The following TMEM196 variants were observed in gnomAD, a reference collection of about 807,000 sequenced individuals.
The protein encoded by TMEM196 is transmembrane protein 196.
A neutral mutation model predicts 20.0 loss-of-function variants in TMEM196; 17 were observed. The ratio of observed to expected loss-of-function variants is 0.85; its 90% CI spans 0.58 to 1.27. The LOEUF (loss-of-function observed/expected upper bound fraction) is 1.27. Ranked by LOEUF, TMEM196 falls within the 50% of genes most tolerant of loss-of-function variation. TMEM196 has a pLI of 0.00. For missense variants in TMEM196, 267 were observed against 223.0 expected (o/e 1.20, Z -1.26); for synonymous variants, 113 against 88.9 (o/e 1.27, Z -1.52).
At chr7:19,766,588 T>C (rs1259519769) in intron 1 of TMEM196, among the ~76,000 whole-genome samples, 1 of 151,326 alleles carries the variant, frequency 6.6e-6, no homozygotes, top group East Asian at 1.9e-4. Flanking sequence ...TACACATATA[T>C]ATATAACTTT....
intron 1 of TMEM196, among the ~76,000 whole-genome samples, chr7:19,742,277 G>T (rs184684794): frequency 6.6e-6 from 1 of 152,156 alleles, no homozygotes; most frequent in Non-Finnish European, 1.5e-5. Flanking sequence ...AATTCCTAAA[G>T]GAGAGAGGCA....
In TMEM196 at chr7:19,750,587, G is replaced by A. The variant is rs77681527; in HGVS notation, c.148-21149C>T. ...TACTTTTAAGCAGTGGTCCTCTGGT[G>A]CTTTACCGAGACCAGGCCATTTTCT... On this transcript the variant is annotated intron_variant, in intron 1 of 4. Transcript: ENST00000405844. 8.1e-3 allele frequency among the ~76,000 whole-genome samples: 1,226 copies of A among 152,224 alleles called. 10 individuals are homozygous for A. The highest frequency in any genetic ancestry group is 0.028 in the African/African-American group (1,154 of 41,538).
At chr7:19,732,445 C>G (rs1034439411) in intron 1 of TMEM196, among the ~76,000 whole-genome samples, 1 of 151,998 alleles carries the variant, frequency 6.6e-6, no homozygotes, top group East Asian at 1.9e-4. Context: ...TGGTTGCAGT[C>G]ACCTGTAGTC....
intron 1 of TMEM196, among the ~76,000 whole-genome samples, chr7:19,756,591 G>A (rs1175976462): frequency 6.6e-6 from 1 of 151,836 alleles, no homozygotes; most frequent in Non-Finnish European, 1.5e-5. Context: ...TTATCATTTA[G>A]CTCTCTTATA....
intron 1 of TMEM196, among the ~76,000 whole-genome samples, chr7:19,736,611 C>G (rs1281975210): frequency 6.6e-6 from 1 of 151,554 alleles, no homozygotes; most frequent in Non-Finnish European, 1.5e-5. Flanking sequence ...ATCCATTTCC[C>G]TGGGAATCAC....
At chr7:19,761,281 A>G (rs1259310946) in intron 1 of TMEM196, among the ~76,000 whole-genome samples, 1 of 152,202 alleles carries the variant, frequency 6.6e-6, no homozygotes, top group African/African-American at 2.4e-5. Flanking sequence ...CCTGCTAATT[A>G]TGCAATGTTC....
intron 3 of TMEM196, 35 bp from the exon 4 acceptor site, chr7:19,724,388 G>T: frequency 2.0e-6 from 3 of 1,531,562 alleles, no homozygotes; most frequent in Non-Finnish European, 2.7e-6. Context: ...AATAAATATT[G>T]CACAAATATA....
intron 1 of TMEM196, among the ~76,000 whole-genome samples, chr7:19,766,722 TGCA>T (rs1785644800): frequency 1.3e-5 from 2 of 151,062 alleles, no homozygotes; most frequent in South Asian, 4.2e-4. Context: ...TGTATGCAAG[TGCA>T]TACACACACA....
intron 1 of TMEM196, among the ~76,000 whole-genome samples, chr7:19,729,852 A>C (rs1335851555): frequency 6.6e-6 from 1 of 152,230 alleles, no homozygotes; most frequent in Non-Finnish European, 1.5e-5. Context: ...AAGATAATGC[A>C]TCAGACAAGG....
chr7:19,723,011 T>C (rs1175297026), intron 4 of TMEM196, among the ~76,000 whole-genome samples: 1 of 152,142 alleles, frequency 6.6e-6, no homozygotes, highest in African/African-American at 2.4e-5. Context: ...ACAAGCCTAT[T>C]TGCAACAGAG....
At chr7:19,765,788 A>G (rs1224912354) in intron 1 of TMEM196, among the ~76,000 whole-genome samples, 1 of 152,178 alleles carries the variant, frequency 6.6e-6, no homozygotes, top group Non-Finnish European at 1.5e-5. Context: ...TAATATAGAT[A>G]TTTTGGTACA....
At chr7:19,758,699 A>G (rs1392542667) in intron 1 of TMEM196, among the ~76,000 whole-genome samples, 3 of 152,220 alleles carry the variant, frequency 2.0e-5, no homozygotes, top group African/African-American at 7.2e-5. Flanking sequence ...CATTTTAATG[A>G]TGCTTTCAGT....
chr7:19,731,765 C>A (rs575525922), intron 1 of TMEM196, among the ~76,000 whole-genome samples: 3 of 152,082 alleles, frequency 2.0e-5, no homozygotes. Context: ...TATCTCACTT[C>A]AATTGGATGG....
chr7:19,733,660 TA>T (rs369943856), intron 1 of TMEM196, among the ~76,000 whole-genome samples: 10,418 of 67,674 alleles, frequency 0.15, 436 homozygotes, highest in Middle Eastern at 0.24. Context: ...GATCCTTTTT[TA>T]AAAAAAAAAA....
At chr7:19,769,207 A>G (rs756977278) in intron 1 of TMEM196, among the ~76,000 whole-genome samples, 5 of 152,178 alleles carry the variant, frequency 3.3e-5, no homozygotes, top group Non-Finnish European at 7.4e-5. Context: ...TTTGGCATTT[A>G]TAAATAATCC....
rs1355537771 is a variant in TMEM196, at chr7:19,772,898, C to T, written c.-202G>A. 4 of 421,706 alleles carry T rather than the reference C, an allele frequency of 9.5e-6. No individual in the cohort carries two copies. The highest frequency in any genetic ancestry group is 2.0e-5 in the African/African-American group (1 of 49,132). 26.1% of individuals were successfully genotyped at this position (421,706 alleles called of 1,614,324 possible). A position where few individuals can be genotyped will look rare whatever the true frequency, so the allele number is the denominator to read the frequency against. ...TGGGCCAGAGGCAAAGGAGCTGCTC[C>T]ACCCCCTGGCACGTTCAGATAGGGA... is the stretch of plus-strand genomic sequence containing the variant. On this transcript the variant is annotated 5_prime_UTR_variant, in exon 1 of 5. Transcript: ENST00000405844.
chr7:19,741,483 C>A (rs926678253), intron 1 of TMEM196, among the ~76,000 whole-genome samples: 6 of 152,070 alleles, frequency 3.9e-5, no homozygotes, highest in East Asian at 1.9e-4. Context: ...TGAATCAAAT[C>A]CAGTTAATTT....
chr7:19,757,966 T>C (rs1304924525), intron 1 of TMEM196, among the ~76,000 whole-genome samples: 34 of 75,104 alleles, frequency 4.5e-4, no homozygotes, highest in Non-Finnish European at 4.6e-4. Flanking sequence ...ATATATATAC[T>C]TTTTTTTTTT....
intron 4 of TMEM196, among the ~76,000 whole-genome samples, chr7:19,724,078 T>A (rs553053820): frequency 2.0e-5 from 3 of 152,222 alleles, no homozygotes; most frequent in African/African-American, 7.2e-5. Flanking sequence ...TTTTACATAC[T>A]CAACCAACTT....
Sources: allele counts gnomAD v4.1 joint callset (sites outside exome capture counted in the v4.1 genomes callset), GRCh38; gene constraint gnomAD v4.1.1; transcripts MANE v1.5; gene names NCBI Gene and HGNC (gene_info 2026-07-23, HGNC 2026-07-21).